The following USP15 variants were observed in gnomAD, a reference collection of about 807,000 sequenced individuals.
The protein encoded by USP15 is ubiquitin specific peptidase 15.
A neutral mutation model predicts 127.1 loss-of-function variants in USP15; 18 were observed. The observed-to-expected ratio is 0.14, with a 90% CI of 0.10 to 0.21. USP15 has a LOEUF of 0.21. Among genes scored for constraint, USP15 ranks in the 10% least tolerant of loss-of-function variants. USP15 has a pLI of 1.00. For synonymous variants in USP15, 364 were observed against 393.7 expected, an observed-to-expected ratio of 0.92 and a Z score of 0.89; for missense variants, 805 against 1,159.9, an observed-to-expected ratio of 0.69 and a Z score of 4.44.
chr12:62,412,571 C>T lies in USP15; in HGVS notation c.*8196C>T. On this transcript the variant is annotated 3_prime_UTR_variant, in exon 22 of 22. Coordinates refer to ENST00000280377, the MANE Select transcript of USP15 (RefSeq NM_001252078.2). ...TCTAAATCCTTTGTTGTCTTTTCAACAATGTTCACAGCATCTTCACCAGGA... is the reference window on the plus strand; with the variant it reads ...TCTAAATCCTTTGTTGTCTTTTCAATAATGTTCACAGCATCTTCACCAGGA... 6.1e-6 allele frequency: 1 copy of T among 164,472 alleles called. No individual in the cohort carries two copies. The highest frequency in any genetic ancestry group is 1.9e-4 in the South Asian group (1 of 5,304). 10.2% of individuals were successfully genotyped at this position (164,472 alleles called of 1,614,324 possible). A position where few individuals can be genotyped will look rare whatever the true frequency, so the allele number is the denominator to read the frequency against.
intron 3 of USP15, chr12:62,305,829 T>G (rs1229368668): frequency 6.6e-6 from 1 of 152,198 alleles, no homozygotes; most frequent in Non-Finnish European, 1.5e-5. Context: ...GTGTGGCCAA[T>G]AGCATATAGC....
intron 11 of USP15, among the ~76,000 whole-genome samples, chr12:62,388,852 G>A (rs980419301): frequency 3.9e-5 from 6 of 152,116 alleles, no homozygotes; most frequent in Admixed American, 3.9e-4. Context: ...AAGTGGGGCC[G>A]GGTGCAGTGG....
intron 6 of USP15, among the ~76,000 whole-genome samples, chr12:62,330,469 C>T (rs2065256737): frequency 6.6e-6 from 1 of 151,370 alleles, no homozygotes; most frequent in African/African-American, 2.4e-5. Flanking sequence ...CCTGTAACCC[C>T]AGCTATTCAG....
intron 6 of USP15, among the ~76,000 whole-genome samples, chr12:62,348,015 AAT>A (rs757754515): frequency 4.6e-5 from 7 of 152,124 alleles, no homozygotes; most frequent in Admixed American, 6.6e-5. Context: ...TAGGCTGGGC[AAT>A]ATGGTGAGAT....
intron 6 of USP15, chr12:62,327,922 A>G (rs946920630): frequency 2.7e-5 from 6 of 224,790 alleles, no homozygotes; most frequent in African/African-American, 1.4e-4. Context: ...CTATGCAGTA[A>G]TATGTCATAA....
intron 14 of USP15, among the ~76,000 whole-genome samples, 168 bp from the exon 15 acceptor site, chr12:62,390,696 T>TACTAGTCA (rs1565909514): frequency 1.3e-5 from 2 of 152,066 alleles, no homozygotes; most frequent in African/African-American, 4.8e-5. Flanking sequence ...CAAAACAAAT[T>TACTAGTCA]ACTAGTCAGT....
intron 17 of USP15, 134 bp downstream of exon 17, chr12:62,392,020 G>A: frequency 1.0e-6 from 1 of 954,834 alleles, no homozygotes; most frequent in Non-Finnish European, 1.5e-6. Flanking sequence ...AATTGGTCAT[G>A]AACTAGAAAA....
chr12:62,261,518 T>C (rs988765298), intron 1 of USP15, among the ~76,000 whole-genome samples: 1 of 152,228 alleles, frequency 6.6e-6, no homozygotes, highest in African/African-American at 2.4e-5. Flanking sequence ...AAAGGAACAG[T>C]AAGATTTAGA....
intron 4 of USP15, among the ~76,000 whole-genome samples, chr12:62,315,464 A>G (rs1427743328): frequency 6.6e-6 from 1 of 151,994 alleles, no homozygotes; most frequent in Non-Finnish European, 1.5e-5. Flanking sequence ...ACACATTTTT[A>G]ATTTTAGGTA....
chr12:62,304,828 C>A, intron 3 of USP15: 12 of 194,284 alleles, frequency 6.2e-5, no homozygotes, highest in East Asian at 1.3e-4. Flanking sequence ...GCTTATTATG[C>A]TTAAAAAAAA....
At chr12:62,365,179 G>C (rs1018348818) in intron 8 of USP15, among the ~76,000 whole-genome samples, 1 of 152,156 alleles carries the variant, frequency 6.6e-6, no homozygotes, top group Non-Finnish European at 1.5e-5. Flanking sequence ...CACCAACAGT[G>C]TAAAAGCATT....
At chr12:62,323,647 A>C (rs2065049108) in intron 5 of USP15, among the ~76,000 whole-genome samples, 1 of 152,188 alleles carries the variant, frequency 6.6e-6, no homozygotes, top group Non-Finnish European at 1.5e-5. Flanking sequence ...CTTCCAGTAG[A>C]CATAACCTCT....
At chr12:62,315,914 C>T (rs1174498068) in intron 4 of USP15, among the ~76,000 whole-genome samples, 1 of 152,132 alleles carries the variant, frequency 6.6e-6, no homozygotes, top group Non-Finnish European at 1.5e-5. Flanking sequence ...AAATAAAATA[C>T]AGCATTATGT....
chr12:62,351,993 T>G (rs2065981351), intron 7 of USP15, among the ~76,000 whole-genome samples: 1 of 151,902 alleles, frequency 6.6e-6, no homozygotes, highest in African/African-American at 2.4e-5. Flanking sequence ...AGACTTCAGA[T>G]AGAAATAGCA....
intron 5 of USP15, among the ~76,000 whole-genome samples, chr12:62,322,036 G>A (rs935736378): frequency 8.5e-5 from 13 of 152,290 alleles, no homozygotes; most frequent in African/African-American, 2.9e-4. Context: ...GTATGGCTAT[G>A]TTCTAATAAA....
chr12:62,346,732 T>A (rs1451242082), intron 6 of USP15, among the ~76,000 whole-genome samples: 1 of 152,226 alleles, frequency 6.6e-6, no homozygotes, highest in Non-Finnish European at 1.5e-5. Context: ...TTCCACATGC[T>A]CCAGCACAAT....
chr12:62,391,021 T>C (rs746788277), intron 15 of USP15, 42 bp downstream of exon 15: 1 of 1,571,118 alleles, frequency 6.4e-7, no homozygotes, highest in Non-Finnish European at 8.7e-7. Context: ...TTCACTTAGA[T>C]AATTGCCTCA....
chr12:62,301,059 GCAAAAGATTTGAACACATAATTCAC>G (rs2064302940), intron 2 of USP15, among the ~76,000 whole-genome samples: 2 of 152,050 alleles, frequency 1.3e-5, no homozygotes, highest in Non-Finnish European at 2.9e-5. Context: ...GAAAAAGTAG[GCAAAAGATTTGAACACATAATTCAC>G]CAAAGAAGAT....
At position 62,330,458 on chromosome 12, in the gene USP15, G is replaced by A. The variant is rs540634401; in HGVS notation, c.683+4525G>A. 1.1e-4 allele frequency among the ~76,000 whole-genome samples: 17 copies of A among 151,698 alleles called. No homozygotes were observed. In the East Asian group the frequency reaches 3.3e-3, roughly 29 times the overall value. On this transcript the variant is annotated intron_variant, in intron 6 of 21. Coordinates refer to ENST00000280377, the MANE Select transcript of USP15 (RefSeq NM_001252078.2). ...ACAAAAATTAGGCATGGTAACAGGC[G>A]CCTGTAACCCCAGCTATTCAGGAGG...
Sources: gnomAD v4.1 joint callset for allele counts (sites outside exome capture counted in the v4.1 genomes callset) on GRCh38, gnomAD v4.1.1 for gene constraint, MANE v1.5 for transcripts, NCBI Gene and HGNC (gene_info 2026-07-23, HGNC 2026-07-21) for gene names.